Variants in XNDC1N observed in about 807,000 individuals in gnomAD.
The protein encoded by XNDC1N is protein XNDC1N.
chr11:71,888,597 T>C, the XNDC1N span, among the ~76,000 whole-genome samples: 1 of 152,280 alleles, frequency 6.6e-6, no homozygotes, highest in South Asian at 2.1e-4. Flanking sequence ...AGGCCGAGGC[T>C]GGGGGCCTAC....
the XNDC1N span, among the ~76,000 whole-genome samples, chr11:71,902,267 C>G: frequency 1.3e-4 from 20 of 152,262 alleles, no homozygotes; most frequent in Non-Finnish European, 2.8e-4. Flanking sequence ...TTTCAGCTCA[C>G]TGTAGTCTCT....
At chr11:71,889,990 G>C in the XNDC1N span, among the ~76,000 whole-genome samples, 1 of 152,142 alleles carries the variant, frequency 6.6e-6, no homozygotes, top group South Asian at 2.1e-4. Flanking sequence ...GGTTGCCTTG[G>C]TACAGAAGAC....
At chr11:71,882,698 C>T in the XNDC1N span, among the ~76,000 whole-genome samples, 1 of 152,178 alleles carries the variant, frequency 6.6e-6, no homozygotes, top group African/African-American at 2.4e-5. Context: ...GGCAAAAGTG[C>T]CCCTTCTTGC....
chr11:71,917,548 C>T, the XNDC1N span: 1 of 703,730 alleles, frequency 1.4e-6, no homozygotes, highest in Non-Finnish European at 2.6e-6. Flanking sequence ...ATAGCACTCA[C>T]AGTCCTCTTT....
chr11:71,907,494 C>G, the XNDC1N span, among the ~76,000 whole-genome samples: 1 of 151,784 alleles, frequency 6.6e-6, no homozygotes, highest in Non-Finnish European at 1.5e-5. Flanking sequence ...TTAGGATCCG[C>G]GGTGGACTCA....
At chr11:71,925,621 A>C in the XNDC1N span, among the ~76,000 whole-genome samples, 731 of 152,308 alleles carry the variant, frequency 4.8e-3, 53 homozygotes, top group East Asian at 0.12. Context: ...AGATATAAAA[A>C]TAATAAAAAT....
chr11:71,907,064 C>T, the XNDC1N span, among the ~76,000 whole-genome samples: 1 of 152,224 alleles, frequency 6.6e-6, no homozygotes, highest in African/African-American at 2.4e-5. Flanking sequence ...ACAAGCTGTA[C>T]ACACATTGTG....
At chr11:71,879,155 C>T in the XNDC1N span, among the ~76,000 whole-genome samples, 2 of 152,264 alleles carry the variant, frequency 1.3e-5, no homozygotes, top group South Asian at 2.1e-4. Flanking sequence ...GAGGTGGATG[C>T]TCCACCATAA....
At chr11:71,924,822 A>G in the XNDC1N span, among the ~76,000 whole-genome samples, 2 of 152,180 alleles carry the variant, frequency 1.3e-5, no homozygotes, top group Non-Finnish European at 2.9e-5. Context: ...TTACTTCAAC[A>G]ATTCCTTGCT....
the XNDC1N span, among the ~76,000 whole-genome samples, chr11:71,866,354 G>C: frequency 6.6e-6 from 1 of 152,074 alleles, no homozygotes; most frequent in African/African-American, 2.4e-5. Context: ...TGGAGTACTT[G>C]ACTATATCTT....
At chr11:71,920,905 C>T in the XNDC1N span, among the ~76,000 whole-genome samples, 11 of 152,184 alleles carry the variant, frequency 7.2e-5, 1 homozygote, top group East Asian at 9.7e-4. Context: ...GCGGAGGTTG[C>T]GGTCAGCCGA....
the XNDC1N span, among the ~76,000 whole-genome samples, chr11:71,887,429 C>T: frequency 5.7e-4 from 87 of 152,120 alleles, no homozygotes; most frequent in Middle Eastern, 6.8e-3. Context: ...TTACCAGGAA[C>T]GGGAGTCATT....
At chr11:71,918,679 T>C in the XNDC1N span, among the ~76,000 whole-genome samples, 1 of 152,210 alleles carries the variant, frequency 6.6e-6, no homozygotes, top group Admixed American at 6.5e-5. Context: ...GCCATTCACA[T>C]TGTATTCTAT....
the XNDC1N span, among the ~76,000 whole-genome samples, chr11:71,871,429 G>A: frequency 2.6e-5 from 4 of 152,168 alleles, no homozygotes; most frequent in African/African-American, 9.7e-5. Flanking sequence ...CAACTGGACA[G>A]GAGAATAAGG....
At chr11:71,911,858 C>G in the XNDC1N span, among the ~76,000 whole-genome samples, 1 of 152,200 alleles carries the variant, frequency 6.6e-6, no homozygotes, top group South Asian at 2.1e-4. Flanking sequence ...GCTCCAAAAG[C>G]AGCATCTGCC....
At chr11:71,877,481 T>G in the XNDC1N span, among the ~76,000 whole-genome samples, 1 of 152,114 alleles carries the variant, frequency 6.6e-6, no homozygotes, top group Non-Finnish European at 1.5e-5. Flanking sequence ...CTACTAAAGA[T>G]ACAAAACTTA....
chr11:71,866,075 GA>G, the XNDC1N span, among the ~76,000 whole-genome samples: 55 of 151,592 alleles, frequency 3.6e-4, no homozygotes, highest in Admixed American at 9.8e-4. Flanking sequence ...TAATAGATCA[GA>G]AAAGTCTTCT....
At chr11:71,920,347 G>A in the XNDC1N span, among the ~76,000 whole-genome samples, 6 of 150,616 alleles carry the variant, frequency 4.0e-5, no homozygotes, top group Admixed American at 1.3e-4. Context: ...TGCTCTTATT[G>A]CCTAGGCTGG....
At chr11:71,884,703 A>G in the XNDC1N span, 1 of 1,156,178 alleles carries the variant, frequency 8.6e-7, no homozygotes, top group Non-Finnish European at 1.2e-6. Context: ...TAAATTTTAT[A>G]AATGCTTACA....
Sources: allele counts gnomAD v4.1 joint callset (sites outside exome capture counted in the v4.1 genomes callset), GRCh38; gene constraint gnomAD v4.1.1; transcripts MANE v1.5; gene names NCBI Gene and HGNC (gene_info 2026-07-23, HGNC 2026-07-21).